Variants in CACNA1A observed in about 807,000 individuals in gnomAD.
CACNA1A encodes the protein calcium voltage-gated channel subunit alpha1 A.
A neutral mutation model predicts 262.4 loss-of-function variants in CACNA1A; 57 were observed. That is an observed-to-expected ratio of 0.22 (90% CI 0.18 to 0.27). The LOEUF (loss-of-function observed/expected upper bound fraction) is 0.27, where lower values mean the gene tolerates loss of function less well. Ranked by LOEUF, CACNA1A falls within the 10% of genes least tolerant of loss-of-function variation. CACNA1A has a pLI of 1.00. For missense variants in CACNA1A, 2,526 were observed against 3,562.8 expected (o/e 0.71, Z 7.41); for synonymous variants, 1,431 against 1,419.3 (o/e 1.01, Z -0.18).
At chr19:13,490,692 G>GGAAAGAAAGAAAGAAA (rs56868654) in intron 1 of CACNA1A, among the ~76,000 whole-genome samples, 17 of 132,700 alleles carry the variant, frequency 1.3e-4, no homozygotes, top group Middle Eastern at 7.6e-3. Flanking sequence ...GAGAAAGAAA[G>GGAAAGAAAGAAAGAAA]GAAAGAAAGA....
chr19:13,286,605 C>G lies in CACNA1A; in HGVS notation c.3451G>C (p.Gly1151Arg). Residue 1151 changes from glycine to arginine, a missense_variant, in exon 20 of 47, where the codon GGC (glycine) becomes CGC (arginine). Transcript: ENST00000360228. ...GTCTTAGCTGAATTGGTCTGGGTGC[C>G]GCTGGGGTTGGTGACGATAAGGCTA... is the stretch of plus-strand genomic sequence containing the variant. Reference protein sequence around the residue: ...ENSLIVTNPSGTQTNSAKTAR... With the variant: ...ENSLIVTNPSRTQTNSAKTAR... The G allele has an allele frequency of 9.2e-6, 14 of 1,525,876 alleles. No individual in the cohort carries two copies. Among genetic ancestry groups the G allele is most frequent in the Non-Finnish European group, 1.2e-5 (14 of 1,141,312 alleles). 94.5% of individuals were successfully genotyped at this position (1,525,876 alleles called of 1,614,324 possible). A position where few individuals can be genotyped will look rare whatever the true frequency, so the allele number is the denominator to read the frequency against.
At chr19:13,410,125 G>A (rs1168975436) in intron 3 of CACNA1A, among the ~76,000 whole-genome samples, 2 of 151,562 alleles carry the variant, frequency 1.3e-5, no homozygotes, top group Non-Finnish European at 2.9e-5. Flanking sequence ...ATCCCCTCTC[G>A]TCCACCAAGA....
chr19:13,305,009 T>A (rs1409510091), intron 15 of CACNA1A, among the ~76,000 whole-genome samples: 1 of 151,964 alleles, frequency 6.6e-6, no homozygotes, highest in Non-Finnish European at 1.5e-5. Context: ...ACGTTTGGGG[T>A]CCCCCTGCCT....
intron 31 of CACNA1A, chr19:13,244,967 G>A (rs1415927678): frequency 3.4e-6 from 2 of 586,852 alleles, no homozygotes; most frequent in Admixed American, 3.0e-5. Context: ...TGGCCCTACA[G>A]CCAAGCTTTG....
At chr19:13,331,704 C>T (rs2058471719) in intron 9 of CACNA1A, among the ~76,000 whole-genome samples, 3 of 151,854 alleles carry the variant, frequency 2.0e-5, no homozygotes, top group Admixed American at 2.0e-4. Context: ...GGGTCTCACT[C>T]TGTCACCCAG....
chr19:13,241,639 C>G lies in CACNA1A; in HGVS notation c.4950+3543G>C. ...CCAGTGCCAAAAAACCAATGGGTTT[C>G]GGTTCCCGGGCGGGGAGTGGGGGTG... is the stretch of plus-strand genomic sequence containing the variant. On this transcript the variant is annotated intron_variant, in intron 31 of 46. Transcript: ENST00000360228. This position sits in a 1 kb window ranked among gnomAD's most constrained non-coding sequence, Gnocchi z 4.0. 1.6e-4 allele frequency: 78 copies of G among 484,256 alleles called. No homozygotes were observed. The highest frequency in any genetic ancestry group is 3.1e-4 in the East Asian group (6 of 19,234). The allele number at this position is 484,256 out of a possible 1,614,324, so 30.0% of individuals were successfully genotyped here.
At chr19:13,221,249 T>TCTTTCTTTGTTTCTTTC (rs1197075563) in intron 38 of CACNA1A, among the ~76,000 whole-genome samples, 1 of 80,642 alleles carries the variant, frequency 1.2e-5, no homozygotes, top group African/African-American at 4.4e-5. Flanking sequence ...TTTTTTTTTT[T>TCTTTCTTTGTTTCTTTC]TTGAGACAGA....
At chr19:13,426,532 T>C (rs2060406535) in intron 3 of CACNA1A, among the ~76,000 whole-genome samples, 1 of 152,048 alleles carries the variant, frequency 6.6e-6, no homozygotes, top group Admixed American at 6.6e-5. Flanking sequence ...TGTGCCAAGG[T>C]TGAGAAATCC....
Position 13,207,221 on chromosome 19 carries a change from G to A in CACNA1A, c.*92C>T, listed in dbSNP as rs899054269. 2 of 1,337,706 alleles carry A rather than the reference G, an allele frequency of 1.5e-6. No homozygotes were observed. The highest frequency in any genetic ancestry group is 1.9e-6 in the Non-Finnish European group (2 of 1,027,656). 82.9% of individuals were successfully genotyped at this position (1,337,706 alleles called of 1,614,324 possible). On this transcript the variant is annotated 3_prime_UTR_variant, in exon 47 of 47. Coordinates refer to ENST00000360228, the MANE Select transcript of CACNA1A (RefSeq NM_001127222.2). This position sits in a 1 kb window ranked among gnomAD's most constrained non-coding sequence, Gnocchi z 5.7. ...CGGCTGGCCCTCTCCCGGGCCCTCT[G>A]TGCTGGGCCCCCGCGGCCTCTGCGC...
intron 5 of CACNA1A, chr19:13,362,304 T>G (rs1318812630): frequency 1.3e-5 from 2 of 152,138 alleles, no homozygotes; most frequent in Non-Finnish European, 2.9e-5. Flanking sequence ...TTCAAGTGAT[T>G]CTCCTGCCTC....
chr19:13,210,733 G>A lies in CACNA1A; in HGVS notation c.6304-81C>T, dbSNP rs1353722892. 23 of 1,281,404 alleles carry A rather than the reference G, an allele frequency of 1.8e-5. No individual in the cohort carries two copies. In the East Asian group the frequency reaches 5.8e-4, roughly 32 times the overall value. 79.4% of individuals were successfully genotyped at this position (1,281,404 alleles called of 1,614,324 possible). A position where few individuals can be genotyped will look rare whatever the true frequency, so the allele number is the denominator to read the frequency against. On this transcript the variant is annotated intron_variant, in intron 43 of 46. Coordinates refer to ENST00000360228, the MANE Select transcript of CACNA1A (RefSeq NM_001127222.2). ...TATAAAAGGCAAGAGGGAGAGTGAG[G>A]AGGTGGTGCATGGAGAAGAAGCCAA...
intron 6 of CACNA1A, among the ~76,000 whole-genome samples, chr19:13,338,199 A>G (rs563490593): frequency 6.6e-6 from 1 of 152,232 alleles, no homozygotes; most frequent in Non-Finnish European, 1.5e-5. Flanking sequence ...TGGGCAACAG[A>G]GCGAGACTTC....
intron 1 of CACNA1A, among the ~76,000 whole-genome samples, chr19:13,463,492 G>A (rs1599311633): frequency 6.6e-6 from 1 of 152,294 alleles, no homozygotes; most frequent in East Asian, 1.9e-4. Flanking sequence ...AGCGCTGCCC[G>A]GGATGTTTTC....
At position 13,334,549 on chromosome 19, in the gene CACNA1A, TTGTGTGTGTGTTTG is replaced by T. The variant is rs1203904930; in HGVS notation, c.1083-70_1083-57del. The T allele has an allele frequency of 5.0e-4, 360 of 724,654 alleles. 1 individual carries two copies. Among genetic ancestry groups the T allele is most frequent in the African/African-American group, 4.7e-4 (18 of 38,098 alleles). The allele number at this position is 724,654 out of a possible 1,614,324, so 44.9% of individuals were successfully genotyped here. On this transcript the variant is annotated intron_variant, in intron 7 of 46. Coordinates refer to ENST00000360228, the MANE Select transcript of CACNA1A (RefSeq NM_001127222.2). Reference sequence around the variant, plus strand: ...CTGTTTTGAAAATGTTAGGAAACGTTTGTGTGTGTGTTTGTGTGTGTGTGTGTGTGTGTGTGTGT... The same window carrying T: ...CTGTTTTGAAAATGTTAGGAAACGTTTGTGTGTGTGTGTGTGTGTGTGTGT...
chr19:13,450,013 C>T (rs370305425), intron 3 of CACNA1A, among the ~76,000 whole-genome samples: 9 of 151,898 alleles, frequency 5.9e-5, no homozygotes, highest in South Asian at 2.1e-4. Context: ...TTGTGGTACA[C>T]GCCTGTAATC....
chr19:13,231,587 G>T, intron 35 of CACNA1A, 123 bp downstream of exon 35: 1 of 969,128 alleles, frequency 1.0e-6, no homozygotes, highest in Non-Finnish European at 1.5e-6. Context: ...ATCCCAGGCT[G>T]GTTCAGAGAA....
chr19:13,266,002 G>A (rs1046302720), intron 24 of CACNA1A, among the ~76,000 whole-genome samples: 9 of 151,928 alleles, frequency 5.9e-5, no homozygotes, highest in East Asian at 3.9e-4. Flanking sequence ...GTGCCATCAC[G>A]TCCGGCTAAT....
At chr19:13,440,938 T>C (rs1179195655) in intron 3 of CACNA1A, among the ~76,000 whole-genome samples, 2 of 152,212 alleles carry the variant, frequency 1.3e-5, no homozygotes, top group African/African-American at 4.8e-5. Context: ...CCTGAGTAGC[T>C]GGAATTACAG....
chr19:13,376,807 T>TGTTATATGTGATATATAACAC, intron 3 of CACNA1A, among the ~76,000 whole-genome samples: 1 of 144,204 alleles, frequency 6.9e-6, no homozygotes, highest in African/African-American at 2.7e-5. Context: ...ACACATAATA[T>TGTTATATGTGATATATAACAC]ATGTTATGTG....
Sources: gnomAD v4.1 joint callset for allele counts (sites outside exome capture counted in the v4.1 genomes callset) on GRCh38, gnomAD v4.1.1 for gene constraint, Gnocchi (gnomAD v3.1) non-coding constraint, MANE v1.5 for transcripts, NCBI Gene and HGNC (gene_info 2026-07-23, HGNC 2026-07-21) for gene names.